The following IQGAP1 variants were observed in gnomAD, a reference collection of about 807,000 sequenced individuals.
IQGAP1 encodes the protein ras GTPase-activating-like protein IQGAP1.
IQGAP1 carries 66 observed loss-of-function variants against 215.6 expected under a neutral mutation model. The observed-to-expected ratio is 0.31, with a 90% CI of 0.25 to 0.38. The LOEUF is 0.38. Among genes scored for constraint, IQGAP1 ranks in the 10% least tolerant of loss-of-function variants. The pLI is 1.00. For missense variants in IQGAP1, 1,712 were observed against 1,997.1 expected, an observed-to-expected ratio of 0.86 and a Z score of 2.72; for synonymous variants, 772 against 728.7, an observed-to-expected ratio of 1.06 and a Z score of -0.96.
At chr15:90,426,054 A>C in intron 2 of IQGAP1, 56 bp from the exon 3 acceptor site, 1 of 1,522,972 alleles carries the variant, frequency 6.6e-7, no homozygotes, top group Non-Finnish European at 8.8e-7. Flanking sequence ...TAAAATCTCT[A>C]AGGAAAAGTT....
At chr15:90,475,707 T>C (rs1965969750) in intron 23 of IQGAP1, 1 of 145,474 alleles carries the variant, frequency 6.9e-6, no homozygotes, top group African/African-American at 2.6e-5. Context: ...GAGCCAAGAT[T>C]GCATGACTGC....
At chr15:90,407,166 T>C (rs1964891057) in intron 2 of IQGAP1, among the ~76,000 whole-genome samples, 2 of 152,248 alleles carry the variant, frequency 1.3e-5, no homozygotes. Context: ...TGGGTGTTGG[T>C]TGTCCATTAG....
chr15:90,450,166 T>C (rs1965582006), intron 11 of IQGAP1, among the ~76,000 whole-genome samples: 1 of 152,128 alleles, frequency 6.6e-6, no homozygotes, highest in Admixed American at 6.6e-5. Flanking sequence ...TCCCAGCTTC[T>C]GGGAACCACC....
At chr15:90,426,969 A>AG (rs1596261069) in intron 3 of IQGAP1, among the ~76,000 whole-genome samples, 1 of 151,528 alleles carries the variant, frequency 6.6e-6, no homozygotes, top group Non-Finnish European at 1.5e-5. Flanking sequence ...AAAAAAAAAA[A>AG]AGAAAGCCTA....
rs1376911081 is a variant in IQGAP1, at chr15:90,454,332, A to G, written c.1488-96A>G. 3 of 1,457,446 alleles carry G rather than the reference A, an allele frequency of 2.1e-6. No homozygotes were observed. In the Admixed American group the frequency reaches 5.3e-5, roughly 26 times the overall value. 90.3% of individuals were successfully genotyped at this position (1,457,446 alleles called of 1,614,324 possible). ...TGCAGTTCCAAAACTGGTCTTGAGA[A>G]TATATCAAATGGTTGGGATACCCTA... On this transcript the variant is annotated intron_variant, in intron 13 of 37. Transcript: ENST00000268182.
At chr15:90,396,716 A>G (rs1964725361) in intron 2 of IQGAP1, among the ~76,000 whole-genome samples, 1 of 152,198 alleles carries the variant, frequency 6.6e-6, no homozygotes, top group South Asian at 2.1e-4. Context: ...GGTTGCATTT[A>G]AAAGTGTATT....
chr15:90,469,638 G>A (rs1482431647), intron 18 of IQGAP1, among the ~76,000 whole-genome samples: 1 of 152,188 alleles, frequency 6.6e-6, no homozygotes, highest in Non-Finnish European at 1.5e-5. Flanking sequence ...ATGTAAGGCA[G>A]AGAGAAGTGG....
chr15:90,468,209 C>T (rs992453334), intron 18 of IQGAP1, among the ~76,000 whole-genome samples: 1 of 152,160 alleles, frequency 6.6e-6, no homozygotes, highest in African/African-American at 2.4e-5. Context: ...CCTGGGATTA[C>T]AGGCATGCAC....
At chr15:90,389,414 C>T (rs990293917) in intron 1 of IQGAP1, among the ~76,000 whole-genome samples, 1 of 148,404 alleles carries the variant, frequency 6.7e-6, no homozygotes, top group African/African-American at 2.5e-5. Context: ...GGTGCAATCT[C>T]AGCTCACTGC....
At chr15:90,422,481 A>T (rs1965150789) in intron 2 of IQGAP1, among the ~76,000 whole-genome samples, 1 of 151,846 alleles carries the variant, frequency 6.6e-6, no homozygotes, top group South Asian at 2.1e-4. Context: ...TAGAAATGAC[A>T]TAAATGTCTA....
At chr15:90,398,588 A>G (rs1964759327) in intron 2 of IQGAP1, among the ~76,000 whole-genome samples, 1 of 152,212 alleles carries the variant, frequency 6.6e-6, no homozygotes, top group Non-Finnish European at 1.5e-5. Context: ...GTCAAAATGC[A>G]TTTAATACAC....
At chr15:90,465,380 C>G (rs541114827) in intron 15 of IQGAP1, among the ~76,000 whole-genome samples, 1 of 152,212 alleles carries the variant, frequency 6.6e-6, no homozygotes, top group South Asian at 2.1e-4. Flanking sequence ...CTGTTAAAGT[C>G]TCTGGACCCC....
intron 15 of IQGAP1, among the ~76,000 whole-genome samples, chr15:90,461,333 C>T (rs1328624798): frequency 6.6e-6 from 1 of 152,004 alleles, no homozygotes; most frequent in African/African-American, 2.4e-5. Context: ...TGATTGTTTG[C>T]CAGTGTACCA....
chr15:90,414,583 G>C (rs1373790259), intron 2 of IQGAP1, among the ~76,000 whole-genome samples: 2 of 152,180 alleles, frequency 1.3e-5, no homozygotes, highest in African/African-American at 2.4e-5. Flanking sequence ...GATTGCCATT[G>C]TGTGATTCTC....
intron 22 of IQGAP1, 144 bp downstream of exon 22, chr15:90,474,277 C>T (rs887166766): frequency 8.6e-5 from 70 of 809,302 alleles, no homozygotes; most frequent in Non-Finnish European, 1.3e-4. Context: ...CCTTTGCTAA[C>T]ATGTGGCTAG....
chr15:90,469,826 T>TA (rs140039652), intron 18 of IQGAP1, among the ~76,000 whole-genome samples: 3,445 of 151,482 alleles, frequency 0.023, 97 homozygotes, highest in East Asian at 0.11. Flanking sequence ...GGAGAGAAAA[T>TA]AGAAAAGGAA....
At chr15:90,431,760 A>ATG (rs1794498925) in intron 4 of IQGAP1, among the ~76,000 whole-genome samples, 1 of 152,208 alleles carries the variant, frequency 6.6e-6, no homozygotes, top group African/African-American at 2.4e-5. Context: ...TCTTAATATA[A>ATG]TGTATAATAC....
intron 8 of IQGAP1, among the ~76,000 whole-genome samples, chr15:90,442,354 G>A (rs1424408917): frequency 6.6e-6 from 1 of 151,840 alleles, no homozygotes; most frequent in Non-Finnish European, 1.5e-5. Flanking sequence ...TACTTGGGAG[G>A]CTGAGGCAGC....
chr15:90,489,509 C>A (rs1966174198), intron 33 of IQGAP1, among the ~76,000 whole-genome samples: 4 of 152,138 alleles, frequency 2.6e-5, no homozygotes, highest in Admixed American at 2.0e-4. Context: ...TAATCTGTTT[C>A]ATTAAATGAC....
Sources: gnomAD v4.1 joint callset for allele counts (sites outside exome capture counted in the v4.1 genomes callset) on GRCh38, gnomAD v4.1.1 for gene constraint, MANE v1.5 for transcripts, NCBI Gene and HGNC (gene_info 2026-07-23, HGNC 2026-07-21) for gene names.